Variants in DGKB observed in about 807,000 individuals in gnomAD.
DGKB encodes the protein 90 kDa diacylglycerol kinase.
DGKB carries 67 observed loss-of-function variants against 114.3 expected under a neutral mutation model. The ratio of observed to expected loss-of-function variants is 0.59; its 90% CI spans 0.48 to 0.72. The LOEUF (loss-of-function observed/expected upper bound fraction) is 0.72, where lower values mean the gene tolerates loss of function less well. Ranked by LOEUF, DGKB falls within the 30% of genes least tolerant of loss-of-function variation. DGKB has a pLI of 0.00. For missense variants in DGKB, 907 were observed against 975.2 expected (o/e 0.93, Z 0.93); for synonymous variants, 398 against 323.1 (o/e 1.23, Z -2.49).
At chr7:14,644,549 T>C (rs569297231) in intron 13 of DGKB, among the ~76,000 whole-genome samples, 16 of 152,136 alleles carry the variant, frequency 1.1e-4, no homozygotes, top group Admixed American at 9.2e-4. Flanking sequence ...ACTGAAGAAT[T>C]CAATGAAAAT....
At chr7:14,252,311 G>C (rs1795361265) in intron 23 of DGKB, among the ~76,000 whole-genome samples, 1 of 152,154 alleles carries the variant, frequency 6.6e-6, no homozygotes, top group African/African-American at 2.4e-5. Context: ...GCAGCTTGTA[G>C]TTACCAATTT....
chr7:14,864,165 C>T (rs946122893), intron 1 of DGKB, among the ~76,000 whole-genome samples: 3 of 149,960 alleles, frequency 2.0e-5, no homozygotes, highest in Non-Finnish European at 4.4e-5. Context: ...AATTTATAAC[C>T]AATTGTATTT....
intron 21 of DGKB, among the ~76,000 whole-genome samples, chr7:14,467,171 T>A (rs1234232842): frequency 3.3e-5 from 5 of 149,628 alleles, no homozygotes; most frequent in Non-Finnish European, 7.4e-5. Flanking sequence ...CATAAATATA[T>A]TTATTTATAT....
chr7:14,154,470 G>A (rs963257246), intron 25 of DGKB, among the ~76,000 whole-genome samples: 11 of 151,908 alleles, frequency 7.2e-5, no homozygotes, highest in Non-Finnish European at 1.2e-4. Context: ...CATCAATACT[G>A]TAGAGCTTTT....
intron 4 of DGKB, among the ~76,000 whole-genome samples, chr7:14,737,128 A>C (rs1004866780): frequency 2.0e-5 from 3 of 152,124 alleles, no homozygotes; most frequent in Non-Finnish European, 2.9e-5. Context: ...TGTAGACCAC[A>C]TGGAGGAGAA....
intron 23 of DGKB, among the ~76,000 whole-genome samples, chr7:14,216,695 C>T (rs945836411): frequency 1.5e-5 from 2 of 133,848 alleles, no homozygotes; most frequent in African/African-American, 2.8e-5. Flanking sequence ...CATTACACTC[C>T]AACCTGGGTG....
At chr7:14,869,091 T>C (rs1398627752) in intron 1 of DGKB, among the ~76,000 whole-genome samples, 1 of 152,206 alleles carries the variant, frequency 6.6e-6, no homozygotes, top group Non-Finnish European at 1.5e-5. Context: ...CTAAATGTTA[T>C]CATTTCTGAC....
At chr7:14,969,817 C>T (rs895794175) in intron 1 of DGKB, among the ~76,000 whole-genome samples, 13 of 152,140 alleles carry the variant, frequency 8.5e-5, no homozygotes, top group Admixed American at 7.9e-4. Context: ...CTGTATAACA[C>T]ATTACTAAAC....
intron 21 of DGKB, among the ~76,000 whole-genome samples, chr7:14,462,051 A>G (rs1833158013): frequency 6.6e-6 from 1 of 152,204 alleles, no homozygotes; most frequent in African/African-American, 2.4e-5. Context: ...GATAAAATTC[A>G]ACAGCCCTTC....
At chr7:14,331,991 T>G (rs988706791) in intron 23 of DGKB, among the ~76,000 whole-genome samples, 1 of 152,176 alleles carries the variant, frequency 6.6e-6, no homozygotes, top group African/African-American at 2.4e-5. Context: ...AAGCTTATTC[T>G]GGGGGAAATA....
At chr7:14,442,421 G>C (rs1055022617) in intron 21 of DGKB, among the ~76,000 whole-genome samples, 1 of 151,856 alleles carries the variant, frequency 6.6e-6, no homozygotes, top group African/African-American at 2.4e-5. Flanking sequence ...TGTATTGGTA[G>C]AATATTTGTC....
chr7:14,868,791 C>T (rs1462487193), intron 1 of DGKB, among the ~76,000 whole-genome samples: 4 of 152,244 alleles, frequency 2.6e-5, no homozygotes, highest in South Asian at 2.1e-4. Context: ...ATGGTGACTA[C>T]CTCAAAGCTG....
rs918270922 is a variant in DGKB at position 14,198,157 on chromosome 7, G to C, written c.2123-20006C>G. Among the ~76,000 whole-genome samples the C allele has an allele frequency of 7.9e-5, 12 of 152,050 alleles. 1 individual carries two copies. Among genetic ancestry groups the C allele is most frequent in the Admixed American group, 7.2e-4 (11 of 15,246 alleles). ...CCTAATTTGAGTTGTAAGTAAAAAG[G>C]ATCTGCTTCGCATAAATCATCAATA... On this transcript the variant is annotated intron_variant, in intron 23 of 25. Transcript: ENST00000402815.
chr7:14,352,824 G>A (rs761649613), intron 21 of DGKB, among the ~76,000 whole-genome samples: 5 of 152,142 alleles, frequency 3.3e-5, no homozygotes, highest in African/African-American at 7.2e-5. Flanking sequence ...TCGGGAGGCT[G>A]AGGCAGGAGA....
In DGKB at chr7:14,333,517, A is replaced by C. The variant is rs374413053; in HGVS notation, c.2122+4998T>G. On this transcript the variant is annotated intron_variant, in intron 23 of 25. Coordinates refer to ENST00000402815, the MANE Select transcript of DGKB (RefSeq NM_001350709.2). ...GAGAATAATGGATCTATTTTGAGGAAGACAATTGCAATGCGATAGTATCTT... is the reference window on the plus strand; with the variant it reads ...GAGAATAATGGATCTATTTTGAGGACGACAATTGCAATGCGATAGTATCTT... 6.6e-5 allele frequency among the ~76,000 whole-genome samples: 10 copies of C among 152,024 alleles called. No homozygotes were observed. The East Asian group carries it at 1.9e-3, about 29-fold the overall frequency.
At chr7:14,625,235 T>C (rs937489528) in intron 14 of DGKB, among the ~76,000 whole-genome samples, 4 of 152,148 alleles carry the variant, frequency 2.6e-5, no homozygotes, top group East Asian at 3.9e-4. Context: ...AACCAAGTGA[T>C]TTCTTTGGGG....
At chr7:14,819,509 G>A (rs1358573840) in intron 2 of DGKB, among the ~76,000 whole-genome samples, 1 of 152,266 alleles carries the variant, frequency 6.6e-6, no homozygotes, top group African/African-American at 2.4e-5. Context: ...AGGATTACTT[G>A]AGCCTGGGAG....
chr7:14,939,240 A>G (rs921715740), intron 1 of DGKB, among the ~76,000 whole-genome samples: 2 of 152,192 alleles, frequency 1.3e-5, no homozygotes, highest in Admixed American at 6.5e-5. Flanking sequence ...TATATGTTTT[A>G]TAAGTTCAAA....
At chr7:14,379,836 G>C (rs1347644828) in intron 21 of DGKB, among the ~76,000 whole-genome samples, 1 of 150,514 alleles carries the variant, frequency 6.6e-6, no homozygotes, top group Non-Finnish European at 1.5e-5. Flanking sequence ...GGGATTACAG[G>C]CGTGAGCGAG....
Sources: allele counts gnomAD v4.1 joint callset (sites outside exome capture counted in the v4.1 genomes callset), GRCh38; gene constraint gnomAD v4.1.1; transcripts MANE v1.5; gene names NCBI Gene and HGNC (gene_info 2026-07-23, HGNC 2026-07-21).